Variants in SLIT1 observed in about 807,000 individuals in gnomAD.
SLIT1 encodes slit homolog 1 protein.
In SLIT1, 66 loss-of-function variants were observed where a neutral mutation model predicts 186.1. The observed-to-expected ratio is 0.35, with a 90% CI of 0.29 to 0.44. The LOEUF is 0.44. SLIT1 is among the 20% of genes least tolerant of loss of function. The pLI, the probability that SLIT1 is intolerant of heterozygous loss-of-function variation, is 1.00. For missense variants in SLIT1, 1,638 were observed against 2,037.4 expected, an observed-to-expected ratio of 0.80 and a Z score of 3.77; for synonymous variants, 761 against 833.8, an observed-to-expected ratio of 0.91 and a Z score of 1.50.
chr10:97,125,674 A>G (rs1416789741), intron 4 of SLIT1, among the ~76,000 whole-genome samples: 2 of 151,996 alleles, frequency 1.3e-5, no homozygotes, highest in Non-Finnish European at 2.9e-5. Flanking sequence ...CCCTGTCTCT[A>G]CTGAAAATAC....
At chr10:97,120,067 C>T (rs1011246386) in intron 4 of SLIT1, among the ~76,000 whole-genome samples, 1 of 151,644 alleles carries the variant, frequency 6.6e-6, no homozygotes, top group Admixed American at 6.6e-5. Context: ...AACATTATGA[C>T]ATTTAATCCT....
chr10:97,156,779 C>G (rs1018981923), intron 4 of SLIT1, among the ~76,000 whole-genome samples: 2 of 152,078 alleles, frequency 1.3e-5, no homozygotes, highest in African/African-American at 4.8e-5. Flanking sequence ...CCACTCTCAC[C>G]CAACCCACAC....
At position 97,021,154 on chromosome 10, in the gene SLIT1, G is replaced by A. The variant is rs934528481; in HGVS notation, c.2746+96C>T. On this transcript the variant is annotated intron_variant, in intron 26 of 36. Transcript: ENST00000266058. This position sits in a 1 kb window ranked among gnomAD's most constrained non-coding sequence, Gnocchi z 4.5. ...CCTGTCCCCTGACCCCCCGCCCAGC[G>A]GTCACCACAGGGACGCAGGCATGTT... is the stretch of plus-strand genomic sequence containing the variant. The A allele has an allele frequency of 1.1e-5, 14 of 1,247,012 alleles. No homozygotes were observed. The highest frequency in any genetic ancestry group is 7.3e-5 in the Admixed American group (3 of 41,166). 77.2% of individuals were successfully genotyped at this position (1,247,012 alleles called of 1,614,324 possible). A position where few individuals can be genotyped will look rare whatever the true frequency, so the allele number is the denominator to read the frequency against.
chr10:97,149,942 T>C (rs1386931005), intron 4 of SLIT1, among the ~76,000 whole-genome samples: 1 of 152,190 alleles, frequency 6.6e-6, no homozygotes. Flanking sequence ...GGCTGAATAG[T>C]CCTTGACGAA....
chr10:97,033,772 C>A (rs914285732), intron 23 of SLIT1, among the ~76,000 whole-genome samples: 5 of 151,936 alleles, frequency 3.3e-5, no homozygotes, highest in African/African-American at 1.2e-4. Flanking sequence ...AAGAAGTGAT[C>A]CTCATAAAGT....
intron 1 of SLIT1, among the ~76,000 whole-genome samples, chr10:97,168,319 GA>G (rs1329200292): frequency 2.6e-5 from 4 of 151,928 alleles, no homozygotes; most frequent in Admixed American, 2.0e-4. Context: ...AAAAAATAAA[GA>G]AAAAAATGAA....
chr10:97,057,277 G>T lies in SLIT1; in HGVS notation c.1090C>A (p.Leu364Ile). The change falls in exon 12 of 37, where the codon CTC (leucine) becomes ATC (isoleucine). Residue 364 changes from leucine to isoleucine, a missense_variant. Physicochemically the swap from Leu to Ile is conservative, Grantham distance 5. Transcript: ENST00000266058. The stretch of plus-strand genomic sequence containing the variant: ...AGGTCTGTGATCTTGTTTCCATAGA[G>T]GACCCTGGAGAAAAGGCAGCAGAGA... ...QGLRSLNSLV[L>I]YGNKITDLPR... 1.2e-6 allele frequency: 2 copies of T among 1,613,714 alleles called. No individual in the cohort carries two copies. Among genetic ancestry groups the T allele is most frequent in the Non-Finnish European group, 1.7e-6 (2 of 1,179,876 alleles).
At position 97,019,003 on chromosome 10, in the gene SLIT1, C is replaced by T. The variant is rs1316554658; in HGVS notation, c.2851G>A (p.Ala951Thr). 15 of 1,611,360 alleles carry T rather than the reference C, an allele frequency of 9.3e-6. No individual in the cohort carries two copies. The highest frequency in any genetic ancestry group is 3.3e-5 in the Admixed American group (2 of 59,968). Reference sequence around the variant, plus strand: ...CTCACCTTATAGCCGCTGGGGCAGGCGCACCTGTACACCTCAAGGGGGTCG... The same window carrying T: ...CTCACCTTATAGCCGCTGGGGCAGGTGCACCTGTACACCTCAAGGGGGTCG... The part of the protein sequence containing the change: ...HNDPLEVYRC[A>T]CPSGYKGRDC... Residue 951 changes from alanine to threonine, a missense_variant, in exon 27 of 37, where the codon GCC (alanine) becomes ACC (threonine). Physicochemically the swap from Ala to Thr is moderately conservative, Grantham distance 58. Transcript: ENST00000266058.
At chr10:97,007,103 C>T (rs1213713029) in intron 31 of SLIT1, among the ~76,000 whole-genome samples, 2 of 152,016 alleles carry the variant, frequency 1.3e-5, no homozygotes, top group East Asian at 1.9e-4. Flanking sequence ...AGTCAAGTTA[C>T]TAAAATAAGA....
At position 97,064,189 on chromosome 10, in the gene SLIT1, T is replaced by C. The variant is rs1589379849; in HGVS notation, c.608A>G (p.His203Arg). ...ITTIPVSSFN[H>R]MPKLRTFRLH... ...TCACAAGGTCCGTAGCTTGGGCATA[T>C]GGTTGAAGCTGGACACGGGGATGGT... The change falls in exon 7 of 37, where the codon CAT (histidine) becomes CGT (arginine). Residue 203 changes from histidine (H) to arginine (R), a missense_variant. Transcript: ENST00000266058. 4 of 1,613,600 alleles carry C rather than the reference T, an allele frequency of 2.5e-6. No homozygotes were observed. The highest frequency in any genetic ancestry group is 2.2e-5 in the South Asian group (2 of 90,856).
intron 13 of SLIT1, among the ~76,000 whole-genome samples, chr10:97,051,638 C>T (rs1386845005): frequency 5.3e-5 from 8 of 151,912 alleles, no homozygotes; most frequent in Non-Finnish European, 7.4e-5. Flanking sequence ...GGTGAAACCC[C>T]GTCTCTACTA....
chr10:97,054,491 A>G (rs991291446), intron 13 of SLIT1, among the ~76,000 whole-genome samples: 1 of 152,284 alleles, frequency 6.6e-6, no homozygotes, highest in East Asian at 1.9e-4. Flanking sequence ...ATTCAAAATC[A>G]CCATTTCAGG....
chr10:97,018,180 T>G (rs1361580018), intron 28 of SLIT1, among the ~76,000 whole-genome samples: 1 of 152,090 alleles, frequency 6.6e-6, no homozygotes, highest in Non-Finnish European at 1.5e-5. Context: ...CAAACACCCC[T>G]GCTGTGGTCC....
intron 4 of SLIT1, among the ~76,000 whole-genome samples, chr10:97,133,497 G>C (rs1474769789): frequency 6.6e-6 from 1 of 152,218 alleles, no homozygotes. Flanking sequence ...GTGGCTGCCA[G>C]GGACTGGCAG....
chr10:97,012,654 T>C (rs1242386356), intron 30 of SLIT1, among the ~76,000 whole-genome samples: 1 of 152,210 alleles, frequency 6.6e-6, no homozygotes, highest in East Asian at 1.9e-4. Context: ...GCCCCACCCC[T>C]GGGAGCCCCC....
In SLIT1 at chr10:97,030,023, G is replaced by C. The variant is rs116477036; in HGVS notation, c.2582+734C>G. 5.5e-3 allele frequency among the ~76,000 whole-genome samples: 842 copies of C among 152,326 alleles called. 12 individuals carry two copies. Among genetic ancestry groups the C allele is most frequent in the African/African-American group, 0.019 (807 of 41,564 alleles). On this transcript the variant is annotated intron_variant, in intron 25 of 36. Transcript: ENST00000266058. ...ATGTAGTACGTTTTGTTTATCATCT[G>C]TGGACATAGGCTGTTTCCAGTTCGG...
In SLIT1 at chr10:97,163,471, A is replaced by G. The variant is rs766874428; in HGVS notation, c.270-20T>C. 31 of 1,611,240 alleles carry G rather than the reference A, an allele frequency of 1.9e-5. No individual in the cohort carries two copies. The highest frequency in any genetic ancestry group is 2.5e-5 in the Non-Finnish European group (29 of 1,177,316). On this transcript the variant is annotated intron_variant, in intron 2 of 36. Transcript: ENST00000266058. ...AGCTGCCTGGGGAAGCAAAGAGACAAGGACAGCTACAGGGTGTGGGACAAG... is the reference window on the plus strand; with the variant it reads ...AGCTGCCTGGGGAAGCAAAGAGACAGGGACAGCTACAGGGTGTGGGACAAG...
At position 97,000,770 on chromosome 10, in the gene SLIT1, C is replaced by A; in HGVS notation, c.*342G>T. 1 of 237,786 alleles carries A rather than the reference C, an allele frequency of 4.2e-6. No individual in the cohort carries two copies. The highest frequency in any genetic ancestry group is 8.9e-5 in the South Asian group (1 of 11,210). 14.7% of individuals were successfully genotyped at this position (237,786 alleles called of 1,614,324 possible). ...TTGGAAGGCTGTCATTTTTCTTCTC[C>A]AGATTCAGATAGCAGGTAAGGAGGG... On this transcript the variant is annotated 3_prime_UTR_variant, in exon 37 of 37. Transcript: ENST00000266058.
intron 1 of SLIT1, among the ~76,000 whole-genome samples, chr10:97,172,294 C>T (rs1228392038): frequency 6.6e-6 from 1 of 152,126 alleles, no homozygotes; most frequent in Admixed American, 6.5e-5. Context: ...GATCCAACTG[C>T]CTCTGTCTCC....
Sources: allele counts gnomAD v4.1 joint callset (sites outside exome capture counted in the v4.1 genomes callset), GRCh38; gene constraint gnomAD v4.1.1; non-coding constraint Gnocchi (gnomAD v3.1); transcripts MANE v1.5; gene names NCBI Gene and HGNC (gene_info 2026-07-23, HGNC 2026-07-21).